The following PRR16 variants were observed in gnomAD, a reference collection of about 807,000 sequenced individuals.
The protein encoded by PRR16 is protein Largen.
Under a neutral mutation model 18.2 loss-of-function variants are expected in PRR16, and 6 were observed. The ratio of observed to expected loss-of-function variants is 0.33; its 90% CI spans 0.18 to 0.65. PRR16 has a LOEUF of 0.65. Among genes scored for constraint, PRR16 ranks in the 30% least tolerant of loss-of-function variants. The probability of loss-of-function intolerance (pLI) is 0.74; values close to 1 mark genes in which losing one functional copy is unlikely to be tolerated. For missense variants in PRR16, 412 were observed against 376.6 expected (o/e 1.09, Z -0.78); for synonymous variants, 151 against 147.8 (o/e 1.02, Z -0.16).
the PRR16 span, among the ~76,000 whole-genome samples, chr5:120,783,981 T>G: frequency 2.0e-3 from 311 of 152,326 alleles, 1 homozygote; most frequent in African/African-American, 7.2e-3. Flanking sequence ...TTGCTGTGGC[T>G]GGCTTATTTC....
chr5:120,567,094 A>T (rs1257245440), intron 1 of PRR16, among the ~76,000 whole-genome samples: 1 of 152,086 alleles, frequency 6.6e-6, no homozygotes. Context: ...CATACTTATC[A>T]TACCTTATAA....
the PRR16 span, among the ~76,000 whole-genome samples, chr5:120,770,675 G>A: frequency 2.0e-5 from 3 of 152,062 alleles, no homozygotes; most frequent in East Asian, 5.8e-4. Flanking sequence ...TCATGTATCT[G>A]ATAAAGGGTT....
At chr5:120,781,314 T>C in the PRR16 span, 4 of 152,194 alleles carry the variant, frequency 2.6e-5, no homozygotes, top group East Asian at 1.9e-4. Flanking sequence ...GTATGTGACA[T>C]AGAAGCATTT....
the PRR16 span, among the ~76,000 whole-genome samples, chr5:120,702,509 G>A: frequency 1.3e-5 from 2 of 152,230 alleles, no homozygotes; most frequent in Admixed American, 1.3e-4. Flanking sequence ...CCAGAAAAGC[G>A]GGACTTGCTG....
chr5:120,768,457 A>T, the PRR16 span, among the ~76,000 whole-genome samples: 7 of 151,408 alleles, frequency 4.6e-5, no homozygotes, highest in Non-Finnish European at 8.9e-5. Context: ...TGGTAAAAAA[A>T]TATATATATA....
At chr5:120,755,752 T>C in the PRR16 span, among the ~76,000 whole-genome samples, 7 of 152,140 alleles carry the variant, frequency 4.6e-5, no homozygotes, top group Non-Finnish European at 8.8e-5. Flanking sequence ...TACCCAGTAA[T>C]AGTGTTACTG....
the PRR16 span, among the ~76,000 whole-genome samples, chr5:120,760,848 A>G: frequency 0.014 from 2,163 of 152,176 alleles, 24 homozygotes; most frequent in Non-Finnish European, 0.024. Flanking sequence ...CGGTAGCACA[A>G]TGAAAACCTG....
At chr5:120,756,456 A>G in the PRR16 span, among the ~76,000 whole-genome samples, 2 of 152,062 alleles carry the variant, frequency 1.3e-5, no homozygotes, top group Non-Finnish European at 2.9e-5. Context: ...CCTCACCAGC[A>G]TCGGCCATTT....
chr5:120,502,368 A>G (rs992658850), intron 1 of PRR16, among the ~76,000 whole-genome samples: 4 of 131,538 alleles, frequency 3.0e-5, no homozygotes, highest in African/African-American at 1.3e-4. Context: ...TATTTTATAT[A>G]TTATATATAT....
chr5:120,754,427 A>G, the PRR16 span, among the ~76,000 whole-genome samples: 3 of 87,532 alleles, frequency 3.4e-5, no homozygotes, highest in Admixed American at 1.8e-4. Flanking sequence ...ATATTATATA[A>G]TATATAGTAT....
chr5:120,717,322 C>T, the PRR16 span, among the ~76,000 whole-genome samples: 1 of 152,054 alleles, frequency 6.6e-6, no homozygotes, highest in Non-Finnish European at 1.5e-5. Flanking sequence ...AAAAATAATT[C>T]TGAAAGGAAA....
chr5:120,552,898 C>T (rs1456587665), intron 1 of PRR16, among the ~76,000 whole-genome samples: 2 of 151,744 alleles, frequency 1.3e-5, no homozygotes, highest in Non-Finnish European at 2.9e-5. Flanking sequence ...GATTAGAATT[C>T]AAATGGGGAG....
At chr5:120,491,797 G>T (rs1431002309) in intron 1 of PRR16, among the ~76,000 whole-genome samples, 1 of 152,138 alleles carries the variant, frequency 6.6e-6, no homozygotes, top group Admixed American at 6.5e-5. Context: ...GCCCGCCTTG[G>T]CCTCCCAAAG....
chr5:120,617,293 T>C, intron 1 of PRR16: 1 of 475,240 alleles, frequency 2.1e-6, no homozygotes, highest in Non-Finnish European at 2.7e-6. Flanking sequence ...ATTCAAAATA[T>C]ATGTAAGAGT....
intron 1 of PRR16, among the ~76,000 whole-genome samples, chr5:120,551,690 G>C (rs1245750995): frequency 2.6e-5 from 4 of 151,900 alleles, no homozygotes; most frequent in Non-Finnish European, 4.4e-5. Flanking sequence ...TATAAATGTA[G>C]GATATGATGA....
chr5:120,474,589 CT>C (rs151199683), intron 1 of PRR16, among the ~76,000 whole-genome samples: 15,429 of 150,200 alleles, frequency 0.1, 950 homozygotes, highest in South Asian at 0.17. Context: ...TATTTGCTAT[CT>C]TTTTTTTAAA....
chr5:120,472,263 T>A (rs936959657), intron 1 of PRR16, among the ~76,000 whole-genome samples: 7 of 152,162 alleles, frequency 4.6e-5, no homozygotes, highest in African/African-American at 1.7e-4. Context: ...CAGGTTCTTT[T>A]TGTAGTACCA....
chr5:120,536,931 T>G (rs1751735850), intron 1 of PRR16, among the ~76,000 whole-genome samples: 1 of 151,090 alleles, frequency 6.6e-6, no homozygotes, highest in Admixed American at 6.6e-5. Flanking sequence ...CCTTAGCTGA[T>G]TAGCACAGGA....
intron 1 of PRR16, among the ~76,000 whole-genome samples, chr5:120,511,768 A>G (rs1419852345): frequency 6.6e-6 from 1 of 152,202 alleles, no homozygotes; most frequent in Non-Finnish European, 1.5e-5. Context: ...TAGGCAACAG[A>G]GGAGAAATAG....
Sources: gnomAD v4.1 joint callset for allele counts (sites outside exome capture counted in the v4.1 genomes callset) on GRCh38, gnomAD v4.1.1 for gene constraint, MANE v1.5 for transcripts, NCBI Gene and HGNC (gene_info 2026-07-23, HGNC 2026-07-21) for gene names.